Variants in IGF2BP3 observed in about 807,000 individuals in gnomAD.
The protein encoded by IGF2BP3 is insulin-like growth factor 2 mRNA-binding protein 3.
IGF2BP3 carries 9 observed loss-of-function variants against 73.8 expected under a neutral mutation model. The ratio of observed to expected loss-of-function variants is 0.12; its 90% CI spans 0.07 to 0.21. The LOEUF is 0.21. Ranked by LOEUF, IGF2BP3 falls within the 10% of genes least tolerant of loss-of-function variation. The pLI, the probability that IGF2BP3 is intolerant of heterozygous loss-of-function variation, is 1.00. For missense variants in IGF2BP3, 542 were observed against 714.0 expected, an observed-to-expected ratio of 0.76 and a Z score of 2.75; for synonymous variants, 258 against 256.7, an observed-to-expected ratio of 1.01 and a Z score of -0.05.
At chr7:23,429,018 T>C (rs547353643) in intron 2 of IGF2BP3, among the ~76,000 whole-genome samples, 1 of 152,308 alleles carries the variant, frequency 6.6e-6, no homozygotes, top group South Asian at 2.1e-4. Context: ...AGGTTTAGCT[T>C]GTATGTTTCT....
intron 3 of IGF2BP3, among the ~76,000 whole-genome samples, chr7:23,366,287 A>C (rs1785369397): frequency 6.6e-6 from 1 of 151,822 alleles, no homozygotes; most frequent in Admixed American, 6.6e-5. Flanking sequence ...ACAGGCACAC[A>C]CCACTACACC....
chr7:23,321,429 C>A (rs191002954), intron 10 of IGF2BP3, among the ~76,000 whole-genome samples: 2 of 152,204 alleles, frequency 1.3e-5, no homozygotes, highest in Non-Finnish European at 2.9e-5. Context: ...CGTACGCCCA[C>A]GGAGTCTCGC....
chr7:23,312,311 A>G lies in IGF2BP3; in HGVS notation c.*51T>C, dbSNP rs373770520. 5.9e-5 allele frequency: 77 copies of G among 1,313,224 alleles called. No individual in the cohort carries two copies. Among genetic ancestry groups the G allele is most frequent in the Non-Finnish European group, 7.7e-5 (70 of 909,052 alleles). The allele number at this position is 1,313,224 out of a possible 1,614,324, so 81.3% of individuals were successfully genotyped here. On this transcript the variant is annotated 3_prime_UTR_variant, in exon 15 of 15. Coordinates refer to ENST00000258729, the MANE Select transcript of IGF2BP3 (RefSeq NM_006547.3). ...TCAGCGCCCATCTGTTGGTTAAGCAATCTGTCTTTGGTTTGGCATCTGCCT... is the reference window on the plus strand; with the variant it reads ...TCAGCGCCCATCTGTTGGTTAAGCAGTCTGTCTTTGGTTTGGCATCTGCCT...
chr7:23,454,103 C>T (rs764633373), intron 2 of IGF2BP3, among the ~76,000 whole-genome samples: 2 of 152,116 alleles, frequency 1.3e-5, no homozygotes, highest in Non-Finnish European at 2.9e-5. Context: ...CATGAACCAC[C>T]GTGCCCAGCC....
At chr7:23,335,565 C>G (rs1480948906) in intron 10 of IGF2BP3, among the ~76,000 whole-genome samples, 1 of 152,050 alleles carries the variant, frequency 6.6e-6, no homozygotes, top group African/African-American at 2.4e-5. Context: ...GCATAAACCA[C>G]CGCGCCTGGC....
Position 23,470,244 on chromosome 7 carries a change from C to G in IGF2BP3, c.-134G>C, listed in dbSNP as rs1788685119. The G allele has an allele frequency of 3.1e-6, 2 of 647,872 alleles. No homozygotes were observed. Among genetic ancestry groups the G allele is most frequent in the Non-Finnish European group, 5.2e-6 (2 of 384,030 alleles). 40.1% of individuals were successfully genotyped at this position (647,872 alleles called of 1,614,324 possible). ...TTAAAATACACAAACACAGTAAGAA[C>G]CAAGCACAAGAACGAGGAGTGAAAA... On this transcript the variant is annotated 5_prime_UTR_variant, in exon 1 of 15. Transcript: ENST00000258729.
intron 3 of IGF2BP3, chr7:23,413,872 T>C (rs1200326080): frequency 6.6e-6 from 1 of 152,108 alleles, no homozygotes; most frequent in Non-Finnish European, 1.5e-5. Context: ...TCTCTAGCAG[T>C]GAGTCCTTCA....
chr7:23,399,718 G>A (rs1786598471), intron 3 of IGF2BP3, among the ~76,000 whole-genome samples: 2 of 152,104 alleles, frequency 1.3e-5, no homozygotes, highest in South Asian at 4.1e-4. Context: ...ATATTGAATT[G>A]CTCTAAAATA....
At chr7:23,385,792 A>G (rs1562717539) in intron 3 of IGF2BP3, among the ~76,000 whole-genome samples, 1 of 152,094 alleles carries the variant, frequency 6.6e-6, no homozygotes, top group Non-Finnish European at 1.5e-5. Context: ...AGCTGGTCTC[A>G]AATGCCTGGG....
intron 12 of IGF2BP3, among the ~76,000 whole-genome samples, chr7:23,314,821 A>G (rs1783937970): frequency 6.6e-6 from 1 of 152,184 alleles, no homozygotes; most frequent in Non-Finnish European, 1.5e-5. Flanking sequence ...TTTTTGAGAC[A>G]GAGTCTCACC....
chr7:23,396,706 A>G (rs12700427), intron 3 of IGF2BP3, among the ~76,000 whole-genome samples: 38,440 of 150,606 alleles, frequency 0.26, 5,072 homozygotes, highest in South Asian at 0.36. Flanking sequence ...GTTGGGGGGG[A>G]AAAAAAAGAG....
At chr7:23,314,302 C>T (rs1180453274) in intron 12 of IGF2BP3, among the ~76,000 whole-genome samples, 13 of 152,052 alleles carry the variant, frequency 8.5e-5, no homozygotes, top group African/African-American at 2.7e-4. Flanking sequence ...CCTGCCTCAG[C>T]CTCCTGAGTA....
intron 2 of IGF2BP3, among the ~76,000 whole-genome samples, chr7:23,462,613 C>A (rs1468516242): frequency 6.6e-6 from 1 of 152,170 alleles, no homozygotes; most frequent in African/African-American, 2.4e-5. Flanking sequence ...CCACCCACCT[C>A]GGCCTCCCAA....
chr7:23,435,613 G>A (rs1226744363), intron 2 of IGF2BP3, among the ~76,000 whole-genome samples: 6 of 151,834 alleles, frequency 4.0e-5, no homozygotes, highest in Admixed American at 1.3e-4. Context: ...CCACCACCAC[G>A]CCCGGCTAAT....
rs796689615 is a variant in IGF2BP3, at chr7:23,340,866, C to T, written c.1203+1198G>A. 3.7e-3 allele frequency among the ~76,000 whole-genome samples: 421 copies of T among 112,630 alleles called. 2 individuals are homozygous for T. The highest frequency in any genetic ancestry group is 0.012 in the African/African-American group (255 of 21,578). The allele number at this position is 112,630 out of a possible 152,430, so 73.9% of individuals were successfully genotyped here. On this transcript the variant is annotated intron_variant, in intron 10 of 14. Coordinates refer to ENST00000258729, the MANE Select transcript of IGF2BP3 (RefSeq NM_006547.3). ...TTCTTTTTCTTTTTTTTTTTTTTTT[C>T]CCAGACAGAGTTTCGCTCTGTCGCC... is the stretch of plus-strand genomic sequence containing the variant.
intron 2 of IGF2BP3, among the ~76,000 whole-genome samples, chr7:23,421,947 G>A (rs1787360228): frequency 6.6e-6 from 1 of 151,856 alleles, no homozygotes; most frequent in South Asian, 2.1e-4. Flanking sequence ...ACCACATCCA[G>A]CTAGTTTTTT....
chr7:23,344,318 CCAAG>C (rs1230342421), intron 8 of IGF2BP3, among the ~76,000 whole-genome samples: 1 of 152,172 alleles, frequency 6.6e-6, no homozygotes, highest in Admixed American at 6.5e-5. Flanking sequence ...TTCTGGGTCA[CCAAG>C]CAAGGAGAAA....
intron 10 of IGF2BP3, 40 bp downstream of exon 10, chr7:23,342,024 T>C (rs754078960): frequency 6.6e-7 from 1 of 1,512,430 alleles, no homozygotes; most frequent in South Asian, 1.3e-5. Context: ...ACATTAAGAT[T>C]TTGCCCAATC....
At chr7:23,406,962 G>A (rs1178356580) in intron 3 of IGF2BP3, among the ~76,000 whole-genome samples, 2 of 152,012 alleles carry the variant, frequency 1.3e-5, no homozygotes, top group Admixed American at 6.5e-5. Flanking sequence ...CAAAATCATG[G>A]AGACAGAGAA....
Sources: allele counts gnomAD v4.1 joint callset (sites outside exome capture counted in the v4.1 genomes callset), GRCh38; gene constraint gnomAD v4.1.1; transcripts MANE v1.5; gene names NCBI Gene and HGNC (gene_info 2026-07-23, HGNC 2026-07-21).